Variants in ACACA observed in about 807,000 individuals in gnomAD.
ACACA encodes the protein acetyl-CoA carboxylase 1.
Under a neutral mutation model 296.1 loss-of-function variants are expected in ACACA, and 103 were observed. That is an observed-to-expected ratio of 0.35 (90% CI 0.30 to 0.41). ACACA has a LOEUF of 0.41. ACACA is among the 10% of genes least tolerant of loss of function. The probability of loss-of-function intolerance (pLI) is 1.00; values close to 1 mark genes in which losing one functional copy is unlikely to be tolerated. For missense variants in ACACA, 1,554 were observed against 2,989.7 expected (o/e 0.52, Z 11.20); for synonymous variants, 953 against 1,038.6 (o/e 0.92, Z 1.58).
intron 10 of ACACA, among the ~76,000 whole-genome samples, chr17:37,266,062 T>C (rs1430528903): frequency 6.6e-6 from 1 of 152,156 alleles, no homozygotes; most frequent in African/African-American, 2.4e-5. Context: ...CCACAACTCA[T>C]GTCTGCATAG....
chr17:37,370,861 G>A (rs1016706793), intron 1 of ACACA, among the ~76,000 whole-genome samples: 6 of 151,428 alleles, frequency 4.0e-5, no homozygotes, highest in African/African-American at 1.5e-4. Context: ...GCACATGCCT[G>A]TAATCCCAGC....
intron 43 of ACACA, among the ~76,000 whole-genome samples, chr17:37,155,069 C>G (rs2076185471): frequency 6.6e-6 from 1 of 152,020 alleles, no homozygotes; most frequent in South Asian, 2.1e-4. Flanking sequence ...AATTTCTCTT[C>G]TAGAAATTAA....
chr17:37,357,230 T>A (rs922505260), intron 1 of ACACA, among the ~76,000 whole-genome samples: 1 of 152,152 alleles, frequency 6.6e-6, no homozygotes, highest in Admixed American at 6.6e-5. Context: ...TGGTGGCTCA[T>A]GCCTATAATC....
chr17:37,200,631 T>C, intron 33 of ACACA, 148 bp from the exon 34 acceptor site: 1 of 741,874 alleles, frequency 1.3e-6, no homozygotes, highest in South Asian at 1.5e-5. Flanking sequence ...AACTTGCAAG[T>C]GAACAAATTT....
intron 50 of ACACA, among the ~76,000 whole-genome samples, chr17:37,118,817 T>C (rs952008370): frequency 4.6e-5 from 7 of 152,232 alleles, no homozygotes; most frequent in Admixed American, 4.6e-4. Flanking sequence ...ACATGTAAAA[T>C]TGTTAGCACA....
intron 40 of ACACA, among the ~76,000 whole-genome samples, chr17:37,180,160 A>G (rs1212812788): frequency 6.6e-6 from 1 of 152,182 alleles, no homozygotes; most frequent in Non-Finnish European, 1.5e-5. Flanking sequence ...ATATAGGAAG[A>G]ATTACTTAGA....
intron 1 of ACACA, among the ~76,000 whole-genome samples, chr17:37,404,947 A>G (rs1329184233): frequency 6.6e-6 from 1 of 152,066 alleles, no homozygotes; most frequent in Non-Finnish European, 1.5e-5. Context: ...TCACTTCCCA[A>G]TAAAATCCAA....
intron 1 of ACACA, among the ~76,000 whole-genome samples, chr17:37,378,831 G>T (rs2050118938): frequency 6.6e-6 from 1 of 152,192 alleles, no homozygotes; most frequent in Non-Finnish European, 1.5e-5. Flanking sequence ...GGAGGCCAAG[G>T]TGGGAGGATT....
rs116118304 is a variant in ACACA at position 37,163,739 on chromosome 17, G to A, written c.5080-1689C>T. On this transcript the variant is annotated intron_variant, in intron 41 of 55. Coordinates refer to ENST00000616317, the MANE Select transcript of ACACA (RefSeq NM_198834.3). The stretch of plus-strand genomic sequence containing the variant: ...TCTTCTAGCACCAGAAAAACCAAAG[G>A]ATGGAAATAACTAATCTCTTGCTGC... 5.1e-3 allele frequency among the ~76,000 whole-genome samples: 773 copies of A among 152,292 alleles called. 5 individuals carry two copies. The highest frequency in any genetic ancestry group is 0.017 in the African/African-American group (717 of 41,554).
At chr17:37,232,632 C>T (rs117323939) in intron 25 of ACACA, among the ~76,000 whole-genome samples, 2,503 of 152,272 alleles carry the variant, frequency 0.016, 30 homozygotes, top group Non-Finnish European at 0.024. Context: ...TAAGTCACTG[C>T]TAGCTGGCCC....
chr17:37,157,374 T>A (rs1470581708), intron 42 of ACACA, among the ~76,000 whole-genome samples: 1 of 152,084 alleles, frequency 6.6e-6, no homozygotes. Context: ...TAGCAAGAAA[T>A]GAGGGCAGAG....
At chr17:37,359,975 CA>C (rs2049340077) in intron 1 of ACACA, among the ~76,000 whole-genome samples, 1 of 152,232 alleles carries the variant, frequency 6.6e-6, no homozygotes, top group East Asian at 1.9e-4. Context: ...ATAGTTGCCA[CA>C]GCGTTCCAGA....
intron 1 of ACACA, among the ~76,000 whole-genome samples, chr17:37,399,261 A>C (rs968777096): frequency 6.6e-6 from 1 of 152,158 alleles, no homozygotes; most frequent in Non-Finnish European, 1.5e-5. Flanking sequence ...GATTATAGGC[A>C]TGAGCCACCG....
chr17:37,287,569 T>TAAA (rs1170331801), intron 3 of ACACA, among the ~76,000 whole-genome samples: 47 of 69,820 alleles, frequency 6.7e-4, no homozygotes, highest in African/African-American at 1.3e-3. Flanking sequence ...ACGTCTCTAC[T>TAAA]AAAAAAAAAA....
chr17:37,365,772 G>A, intron 1 of ACACA: 1 of 980,782 alleles, frequency 1.0e-6, no homozygotes, highest in Non-Finnish European at 1.2e-6. Flanking sequence ...AGGTAGAATT[G>A]CACAATGAAG....
chr17:37,191,681 T>C (rs2077758463), intron 37 of ACACA, among the ~76,000 whole-genome samples: 1 of 152,176 alleles, frequency 6.6e-6, no homozygotes, highest in Non-Finnish European at 1.5e-5. Flanking sequence ...ACACTACCCA[T>C]ACTTCTAGAC....
chr17:37,249,308 C>G (rs2080868274), intron 16 of ACACA, among the ~76,000 whole-genome samples: 2 of 152,180 alleles, frequency 1.3e-5, no homozygotes, highest in African/African-American at 4.8e-5. Context: ...GTGAATAATC[C>G]TCCTATGAAT....
At chr17:37,111,212 T>A (rs1274801083) in intron 52 of ACACA, among the ~76,000 whole-genome samples, 1 of 152,064 alleles carries the variant, frequency 6.6e-6, no homozygotes, top group Admixed American at 6.6e-5. Context: ...AAATCTAGCA[T>A]ATTCTCTGGT....
In ACACA at chr17:37,113,827, G is replaced by A. The variant is rs1229347515; in HGVS notation, c.6275-562C>T. On this transcript the variant is annotated intron_variant, in intron 50 of 55. Coordinates refer to ENST00000616317, the MANE Select transcript of ACACA (RefSeq NM_198834.3). This position sits in a 1 kb window ranked among gnomAD's most constrained non-coding sequence, Gnocchi z 4.0. ...CATAGTTAGTGCTCAACAAATATCT[G>A]CTGAATGAATGAATGCTGAATAAAT... is the stretch of plus-strand genomic sequence containing the variant. 6.6e-6 allele frequency among the ~76,000 whole-genome samples: 1 copy of A among 152,174 alleles called. No homozygotes were observed. Among genetic ancestry groups the A allele is most frequent in the Non-Finnish European group, 1.5e-5 (1 of 68,040 alleles).
Sources: allele counts gnomAD v4.1 joint callset (sites outside exome capture counted in the v4.1 genomes callset), GRCh38; gene constraint gnomAD v4.1.1; non-coding constraint Gnocchi (gnomAD v3.1); transcripts MANE v1.5; gene names NCBI Gene and HGNC (gene_info 2026-07-23, HGNC 2026-07-21).